The following RPH3AL variants were observed in gnomAD, a reference collection of about 807,000 sequenced individuals.
RPH3AL encodes rab effector Noc2.
Under a neutral mutation model 43.1 loss-of-function variants are expected in RPH3AL, and 38 were observed. The observed-to-expected ratio is 0.88, with a 90% CI of 0.68 to 1.15. RPH3AL has a LOEUF of 1.15. Among genes scored for constraint, RPH3AL ranks in the 50% most tolerant of loss-of-function variants. The pLI, the probability that RPH3AL is intolerant of heterozygous loss-of-function variation, is 0.00. For missense variants in RPH3AL, 462 were observed against 423.2 expected (o/e 1.09, Z -0.81); for synonymous variants, 189 against 176.3 (o/e 1.07, Z -0.57).
At chr17:260,000 G>A (rs535642646) in intron 6 of RPH3AL, among the ~76,000 whole-genome samples, 1 of 152,304 alleles carries the variant, frequency 6.6e-6, no homozygotes, top group Non-Finnish European at 1.5e-5. Context: ...GTGGGACAGG[G>A]GAGCCTGAAG....
chr17:296,926 T>C (rs1403581082), intron 5 of RPH3AL, among the ~76,000 whole-genome samples: 2 of 151,942 alleles, frequency 1.3e-5, no homozygotes, highest in African/African-American at 4.8e-5. Flanking sequence ...CCTTCAAGCA[T>C]CCAAGGGGAC....
At chr17:343,644 G>A (rs913989526) in intron 1 of RPH3AL, among the ~76,000 whole-genome samples, 1 of 152,214 alleles carries the variant, frequency 6.6e-6, no homozygotes, top group South Asian at 2.1e-4. Context: ...AATTCAACCG[G>A]TGGTTCTGAA....
At chr17:271,436 C>G (rs2042461200) in intron 6 of RPH3AL, among the ~76,000 whole-genome samples, 1 of 152,088 alleles carries the variant, frequency 6.6e-6, no homozygotes, top group Non-Finnish European at 1.5e-5. Context: ...TTTGTTTGTG[C>G]CCTCTCTTAT....
chr17:263,334 G>A (rs1207390426), intron 6 of RPH3AL, among the ~76,000 whole-genome samples: 2 of 152,194 alleles, frequency 1.3e-5, no homozygotes, highest in African/African-American at 4.8e-5. Context: ...AGGGGACAGA[G>A]GGGAAGCAGA....
chr17:332,277 AGCGTGTGTGTGT>A (rs1199313171), intron 2 of RPH3AL: 1 of 241,394 alleles, frequency 4.1e-6, no homozygotes, highest in Non-Finnish European at 7.8e-6. Flanking sequence ...GGGAAGGAGG[AGCGTGTGTGTGT>A]GCGCGTGTGT....
chr17:333,338 C>T lies in RPH3AL; in HGVS notation c.-37+421G>A. ...TCCTAAAGAGAAAACACCTTAAATT[C>T]TCACATCAGCCACCCCCATGGCGAC... On this transcript the variant is annotated intron_variant, in intron 2 of 9. Transcript: ENST00000331302. This position sits in a 1 kb window ranked among gnomAD's most constrained non-coding sequence, Gnocchi z 4.5. 4.0e-6 allele frequency: 5 copies of T among 1,261,136 alleles called. No individual in the cohort carries two copies. The highest frequency in any genetic ancestry group is 5.2e-6 in the Non-Finnish European group (5 of 965,542). The allele number at this position is 1,261,136 out of a possible 1,614,324, so 78.1% of individuals were successfully genotyped here.
At chr17:330,634 G>A (rs964466308) in intron 2 of RPH3AL, among the ~76,000 whole-genome samples, 3 of 152,094 alleles carry the variant, frequency 2.0e-5, no homozygotes, top group African/African-American at 7.2e-5. Flanking sequence ...TCAGCACTTC[G>A]GGAGACTCAG....
At chr17:295,378 T>C (rs1462121674) in intron 5 of RPH3AL, among the ~76,000 whole-genome samples, 3 of 114,664 alleles carry the variant, frequency 2.6e-5, no homozygotes, top group Admixed American at 9.6e-5. Flanking sequence ...TGCACATCAG[T>C]GTGGGAGGGA....
rs1400045743 is a variant in RPH3AL at position 266,645 on chromosome 17, G to T, written c.438+15123C>A. On this transcript the variant is annotated intron_variant, in intron 6 of 9. Coordinates refer to ENST00000331302, the MANE Select transcript of RPH3AL (RefSeq NM_006987.4). ...TGAGTTTCCTCTTCATTCCAAGTGG[G>T]TTTTTGAGCAACCAGGTCAGTCTGG... 5.9e-5 allele frequency among the ~76,000 whole-genome samples: 9 copies of T among 151,934 alleles called. No homozygotes were observed. In the East Asian group the frequency reaches 1.4e-3, roughly 23 times the overall value.
At chr17:241,711 C>CTTTTTTTTTTTTTTTTTTTTTTTTTTTTT (rs1001979455) in intron 7 of RPH3AL, among the ~76,000 whole-genome samples, 3 of 92,790 alleles carry the variant, frequency 3.2e-5, no homozygotes, top group Admixed American at 1.1e-4. Context: ...GTTTCTTTTT[C>CTTTTTTTTTTTTTTTTTTTTTTTTTTTTT]TTTTTTTTTC....
At chr17:235,623 G>A (rs112200198) in intron 7 of RPH3AL, among the ~76,000 whole-genome samples, 1 of 113,724 alleles carries the variant, frequency 8.8e-6, no homozygotes, top group Non-Finnish European at 1.9e-5. Context: ...TGGGGTCGGC[G>A]GAGGCTCCAC....
chr17:267,397 G>C (rs910130440), intron 6 of RPH3AL, among the ~76,000 whole-genome samples: 3 of 152,254 alleles, frequency 2.0e-5, no homozygotes, highest in African/African-American at 7.2e-5. Context: ...TGCAGGAAAT[G>C]AATAGGGGCT....
Position 327,500 on chromosome 17 carries a change from C to T in RPH3AL, c.44G>A (p.Cys15Tyr). ...AAGGGCAAGCTGCCGGTCATTGGGG[C>T]AAACCCACTGATCATTCCCGCTGCC... Reference protein sequence around the residue: ...IFGSGNDQWVCPNDRQLALRA... With the variant: ...IFGSGNDQWVYPNDRQLALRA... Residue 15 changes from cysteine (C) to tyrosine (Y), a missense_variant, in exon 3 of 10, where the codon TGC becomes TAC. Coordinates refer to ENST00000331302, the MANE Select transcript of RPH3AL (RefSeq NM_006987.4). 1 of 1,613,994 alleles carries T rather than the reference C, an allele frequency of 6.2e-7. No homozygotes were observed. Among genetic ancestry groups the T allele is most frequent in the Non-Finnish European group, 8.5e-7 (1 of 1,179,978 alleles).
intron 5 of RPH3AL, among the ~76,000 whole-genome samples, chr17:298,301 C>A (rs1319322866): frequency 2.0e-5 from 3 of 152,164 alleles, no homozygotes; most frequent in African/African-American, 7.2e-5. Flanking sequence ...GAGCACCGGC[C>A]TCTCTGATGT....
Position 264,403 on chromosome 17 carries a change from G to A in RPH3AL, c.439-17118C>T, listed in dbSNP as rs61219441. Among the ~76,000 whole-genome samples the A allele has an allele frequency of 6.6e-5, 3 of 45,286 alleles. No individual in the cohort carries two copies. The highest frequency in any genetic ancestry group is 1.7e-4 in the African/African-American group (2 of 11,894). The allele number at this position is 45,286 out of a possible 152,430, so 29.7% of individuals were successfully genotyped here. A position where few individuals can be genotyped will look rare whatever the true frequency, so the allele number is the denominator to read the frequency against. On this transcript the variant is annotated intron_variant, in intron 6 of 9. Coordinates refer to ENST00000331302, the MANE Select transcript of RPH3AL (RefSeq NM_006987.4). This position sits in a 1 kb window ranked among gnomAD's most constrained non-coding sequence, Gnocchi z 4.8. ...GACAGCAGGATTACCCTTCGGAGCC[G>A]TGCGCGCTGGATGGGGACTCAGAAT... is the stretch of plus-strand genomic sequence containing the variant.
intron 1 of RPH3AL, among the ~76,000 whole-genome samples, chr17:337,800 C>T (rs1313124653): frequency 6.6e-6 from 1 of 152,220 alleles, no homozygotes; most frequent in Non-Finnish European, 1.5e-5. Flanking sequence ...CGGCAAGGCC[C>T]CTCATGGGGC....
At position 241,621 on chromosome 17, in the gene RPH3AL, A is replaced by G. The variant is rs147085763; in HGVS notation, c.613+5490T>C. On this transcript the variant is annotated intron_variant, in intron 7 of 9. Transcript: ENST00000331302. ...TTTTTATTGCTAAAACAAAAGCCAA[A>G]AAAACCCCACCCCTTTATCAAGTAT... Among the ~76,000 whole-genome samples, 595 of 152,288 alleles carry G rather than the reference A, an allele frequency of 3.9e-3. 2 individuals carry two copies. The highest frequency in any genetic ancestry group is 0.013 in the African/African-American group (525 of 41,562).
chr17:313,782 T>G (rs770115165), intron 5 of RPH3AL, among the ~76,000 whole-genome samples: 1 of 152,016 alleles, frequency 6.6e-6, no homozygotes, highest in Non-Finnish European at 1.5e-5. Flanking sequence ...ATTTACAGAA[T>G]GAATGAAGAT....
intron 5 of RPH3AL, among the ~76,000 whole-genome samples, chr17:315,411 C>A (rs1598094901): frequency 8.7e-6 from 1 of 114,688 alleles, no homozygotes; most frequent in African/African-American, 3.5e-5. Flanking sequence ...GTCCCTGTGC[C>A]CCCACCTCCA....
Sources: gnomAD v4.1 joint callset for allele counts (sites outside exome capture counted in the v4.1 genomes callset) on GRCh38, gnomAD v4.1.1 for gene constraint, Gnocchi (gnomAD v3.1) non-coding constraint, MANE v1.5 for transcripts, NCBI Gene and HGNC (gene_info 2026-07-23, HGNC 2026-07-21) for gene names.